MSMO1: variants seen among roughly 807,000 people sequenced by gnomAD.
The protein encoded by MSMO1 is methylsterol monooxygenase 1, also known as C-4 methylsterol oxidase.
MSMO1 carries 18 observed loss-of-function variants against 30.4 expected under a neutral mutation model. The observed-to-expected ratio is 0.59, with a 90% CI of 0.41 to 0.88. The LOEUF is 0.88. Among genes scored for constraint, MSMO1 ranks in the 40% least tolerant of loss-of-function variants. The pLI is 0.00. For missense variants in MSMO1, 284 were observed against 340.5 expected, an observed-to-expected ratio of 0.83 and a Z score of 1.31; for synonymous variants, 84 against 107.9, an observed-to-expected ratio of 0.78 and a Z score of 1.37.
intron 1 of MSMO1, among the ~76,000 whole-genome samples, chr4:165,329,625 ATTTTT>A (rs1171733863): frequency 8.8e-5 from 6 of 68,004 alleles, no homozygotes; most frequent in African/African-American, 3.3e-4. Context: ...ATCCATAGCG[ATTTTT>A]TTTTTTTTTT....
intron 2 of MSMO1, among the ~76,000 whole-genome samples, chr4:165,336,357 A>G (rs575922472): frequency 6.6e-6 from 1 of 152,298 alleles, no homozygotes; most frequent in South Asian, 2.1e-4. Flanking sequence ...TATTAAGTAC[A>G]GTTATGCATA....
chr4:165,341,109 G>A (rs1436265814), intron 5 of MSMO1, among the ~76,000 whole-genome samples: 1 of 151,980 alleles, frequency 6.6e-6, no homozygotes, highest in East Asian at 1.9e-4. Flanking sequence ...GAGAGGGTTA[G>A]AGTGATTCAA....
At chr4:165,337,667 A>T in intron 2 of MSMO1, 122 bp from the exon 3 acceptor site, 1 of 941,310 alleles carries the variant, frequency 1.1e-6, no homozygotes, top group Non-Finnish European at 1.6e-6. Flanking sequence ...CCTGAGTCTT[A>T]GTTATATAAA....
At chr4:165,331,281 G>A in intron 1 of MSMO1, among the ~76,000 whole-genome samples, 1 of 151,550 alleles carries the variant, frequency 6.6e-6, no homozygotes, top group Non-Finnish European at 1.5e-5. Flanking sequence ...TCCAGCTTGG[G>A]TGACAGAGTG....
chr4:165,335,885 A>G (rs1021932049), intron 2 of MSMO1, among the ~76,000 whole-genome samples: 1 of 152,180 alleles, frequency 6.6e-6, no homozygotes, highest in Non-Finnish European at 1.5e-5. Flanking sequence ...GTGATTTTAA[A>G]CCAGGACTAG....
chr4:165,337,620 G>A (rs1000175797), intron 2 of MSMO1, among the ~76,000 whole-genome samples, 169 bp from the exon 3 acceptor site: 6 of 152,326 alleles, frequency 3.9e-5, no homozygotes, highest in African/African-American at 1.2e-4. Flanking sequence ...ACCTGAAGTA[G>A]TGATAGTAGT....
intron 4 of MSMO1, among the ~76,000 whole-genome samples, chr4:165,339,372 G>A (rs1314937776): frequency 3.3e-5 from 5 of 152,080 alleles, no homozygotes; most frequent in Non-Finnish European, 7.4e-5. Flanking sequence ...GCAAAGTGCT[G>A]GGATTACAGG....
chr4:165,328,834 G>A (rs796171685), intron 1 of MSMO1, among the ~76,000 whole-genome samples: 16 of 152,240 alleles, frequency 1.1e-4, no homozygotes, highest in African/African-American at 3.9e-4. Flanking sequence ...TCTAAATTGG[G>A]TAAGAGTTTG....
chr4:165,329,625 ATTTT>A (rs1171733863), intron 1 of MSMO1, among the ~76,000 whole-genome samples: 36 of 67,990 alleles, frequency 5.3e-4, no homozygotes, highest in African/African-American at 1.8e-3. Flanking sequence ...ATCCATAGCG[ATTTT>A]TTTTTTTTTT....
At chr4:165,339,827 G>A (rs113266296) in intron 4 of MSMO1, among the ~76,000 whole-genome samples, 3,635 of 152,234 alleles carry the variant, frequency 0.024, 63 homozygotes, top group Non-Finnish European at 0.038. Flanking sequence ...GCAAGTGTGC[G>A]GCTGTCAAGT....
In MSMO1 at chr4:165,342,737, G is replaced by A. The variant is rs1382561549; in HGVS notation, c.*791G>A. The A allele has an allele frequency of 6.6e-6, 1 of 152,190 alleles. No individual in the cohort carries two copies. Among genetic ancestry groups the A allele is most frequent in the Non-Finnish European group, 1.5e-5 (1 of 68,042 alleles). The allele number at this position is 152,190 out of a possible 1,614,324, so 9.4% of individuals were successfully genotyped here. A position where few individuals can be genotyped will look rare whatever the true frequency, so the allele number is the denominator to read the frequency against. On this transcript the variant is annotated 3_prime_UTR_variant, in exon 6 of 6. Transcript: ENST00000261507. ...GAACCTCATCAATTGATAGCAGTGA[G>A]TGACTGAAGCTTCCAAATCAAGAAA...
chr4:165,332,402 G>A (rs1530043), intron 1 of MSMO1, among the ~76,000 whole-genome samples: 92,432 of 152,070 alleles, frequency 0.61, 28,997 homozygotes, highest in East Asian at 0.98. Flanking sequence ...CTTGTTGATG[G>A]CTTATTTGTG....
Position 165,342,021 on chromosome 4 carries a change from A to C in MSMO1, c.*75A>C. Reference sequence around the variant, plus strand: ...AACTAGTAGCTAACATTGCTTCTGGAGAGCAGAAATAAGCATGTCTTCTGG... The same window carrying C: ...AACTAGTAGCTAACATTGCTTCTGGCGAGCAGAAATAAGCATGTCTTCTGG... On this transcript the variant is annotated 3_prime_UTR_variant, in exon 6 of 6. Coordinates refer to ENST00000261507, the MANE Select transcript of MSMO1 (RefSeq NM_006745.5). 8.0e-7 allele frequency: 1 copy of C among 1,244,734 alleles called. No individual in the cohort carries two copies. Among genetic ancestry groups the C allele is most frequent in the Non-Finnish European group, 1.2e-6 (1 of 858,760 alleles). 77.1% of individuals were successfully genotyped at this position (1,244,734 alleles called of 1,614,324 possible). A position where few individuals can be genotyped will look rare whatever the true frequency, so the allele number is the denominator to read the frequency against.
intron 2 of MSMO1, among the ~76,000 whole-genome samples, chr4:165,335,973 C>A (rs1316473883): frequency 6.6e-6 from 1 of 152,166 alleles, no homozygotes; most frequent in Non-Finnish European, 1.5e-5. Context: ...ATTTCGAAGG[C>A]AGATACCCTG....
intron 5 of MSMO1, among the ~76,000 whole-genome samples, chr4:165,340,990 C>T (rs532365589): frequency 6.6e-6 from 1 of 152,096 alleles, no homozygotes; most frequent in Admixed American, 6.5e-5. Flanking sequence ...GCTTCTAGTC[C>T]TAGGCAGAGA....
Position 165,337,818 on chromosome 4 carries a change from G to T in MSMO1, c.285G>T (p.Trp95Cys). 6.2e-7 allele frequency: 1 copy of T among 1,613,692 alleles called. No homozygotes were observed. Among genetic ancestry groups the T allele is most frequent in the Admixed American group, 1.7e-5 (1 of 60,018 alleles). Residue 95 changes from tryptophan (W) to cysteine (C), a missense_variant, in exon 3 of 6, where the codon TGG becomes TGT. Coordinates refer to ENST00000261507, the MANE Select transcript of MSMO1 (RefSeq NM_006745.5). The part of the protein sequence containing the change: ...KDKPETWENQ[W>C]KCFKVLLFNH... Reference sequence around the variant, plus strand: ...AGCCAGAGACATGGGAAAACCAATGGAAGTGTTTCAAAGTTCTTCTCTTTA... The same window carrying T: ...AGCCAGAGACATGGGAAAACCAATGTAAGTGTTTCAAAGTTCTTCTCTTTA...
chr4:165,331,693 G>A (rs1232075010), intron 1 of MSMO1, among the ~76,000 whole-genome samples: 2 of 152,148 alleles, frequency 1.3e-5, no homozygotes, highest in Non-Finnish European at 2.9e-5. Flanking sequence ...TATTTAGAAT[G>A]CTTCTGAGGC....
rs1729805108 is a variant in MSMO1, at chr4:165,343,140, T to G, written c.*1194T>G. 1 of 152,064 alleles carries G rather than the reference T, an allele frequency of 6.6e-6. No individual in the cohort carries two copies. The highest frequency in any genetic ancestry group is 6.6e-5 in the Admixed American group (1 of 15,184). 9.4% of individuals were successfully genotyped at this position (152,064 alleles called of 1,614,324 possible). Reference sequence around the variant, plus strand: ...TTAAACTTGAAAGTACAGAAATCATTAAATTATTAAGTTGTACAATAAAAG... The same window carrying G: ...TTAAACTTGAAAGTACAGAAATCATGAAATTATTAAGTTGTACAATAAAAG... On this transcript the variant is annotated 3_prime_UTR_variant, in exon 6 of 6. Transcript: ENST00000261507.
chr4:165,336,807 T>C (rs1463870578), intron 2 of MSMO1, among the ~76,000 whole-genome samples: 1 of 152,222 alleles, frequency 6.6e-6, no homozygotes, highest in South Asian at 2.1e-4. Flanking sequence ...CTTAGTTCAG[T>C]GCTTTTCCTA....
Sources: allele counts gnomAD v4.1 joint callset (sites outside exome capture counted in the v4.1 genomes callset), GRCh38; gene constraint gnomAD v4.1.1; transcripts MANE v1.5; gene names NCBI Gene and HGNC (gene_info 2026-07-23, HGNC 2026-07-21).